Variants in FBLN1 observed in about 807,000 individuals in gnomAD.
FBLN1 encodes fibulin-1.
In FBLN1, 34 loss-of-function variants were observed where a neutral mutation model predicts 89.7. The ratio of observed to expected loss-of-function variants is 0.38; its 90% CI spans 0.29 to 0.50. FBLN1 has a LOEUF of 0.50. FBLN1 is among the 20% of genes least tolerant of loss of function. FBLN1 has a pLI of 0.92. For missense variants in FBLN1, 777 were observed against 988.1 expected (o/e 0.79, Z 2.86); for synonymous variants, 393 against 391.3 (o/e 1.00, Z -0.05).
intron 8 of FBLN1, among the ~76,000 whole-genome samples, chr22:45,538,612 T>C (rs1373808512): frequency 2.6e-5 from 4 of 152,162 alleles, no homozygotes; most frequent in African/African-American, 9.7e-5. Context: ...AGAAAATACA[T>C]CAAGATAGAA....
chr22:45,551,074 A>G, intron 14 of FBLN1: 1 of 263,858 alleles, frequency 3.8e-6, no homozygotes, highest in Non-Finnish European at 7.5e-6. Flanking sequence ...TGAAAGCCAG[A>G]ATTCGTCCAG....
intron 16 of FBLN1, among the ~76,000 whole-genome samples, chr22:45,598,917 G>A (rs908349215): frequency 6.6e-6 from 1 of 152,232 alleles, no homozygotes; most frequent in African/African-American, 2.4e-5. Context: ...CCTCTCCGCA[G>A]TGCAGTGAGG....
At chr22:45,548,784 T>C (rs1252972599) in intron 13 of FBLN1, 40 bp downstream of exon 13, 6 of 1,609,472 alleles carry the variant, frequency 3.7e-6, no homozygotes, top group East Asian at 2.2e-5. Context: ...CACGCTCTGC[T>C]TGGGGCCCTG....
chr22:45,564,275 T>A (rs1448416799), intron 14 of FBLN1, among the ~76,000 whole-genome samples: 1 of 152,186 alleles, frequency 6.6e-6, no homozygotes, highest in Non-Finnish European at 1.5e-5. Flanking sequence ...TCCATTCACC[T>A]CCCCTACAGC....
In FBLN1 at chr22:45,575,442, C is replaced by A. The variant is rs1224801422; in HGVS notation, c.1840+789C>A. On this transcript the variant is annotated intron_variant, in intron 15 of 16. Coordinates refer to ENST00000327858, the MANE Select transcript of FBLN1 (RefSeq NM_006486.3). The surrounding 1 kb of genome is among the most constrained non-coding windows in gnomAD (Gnocchi z 6.3). ...TTCTGCTGGAGCGCTAGAGGCTTGG[C>A]AAGAGGTGGGCTGGAAGGATAAACA... Among the ~76,000 whole-genome samples the A allele has an allele frequency of 6.6e-5, 10 of 151,980 alleles. No individual in the cohort carries two copies. The highest frequency in any genetic ancestry group is 2.9e-5 in the Non-Finnish European group (2 of 67,984).
At position 45,549,978 on chromosome 22, in the gene FBLN1, G is replaced by C. The variant is rs1159141893; in HGVS notation, c.1574-514G>C. 6.6e-6 allele frequency among the ~76,000 whole-genome samples: 1 copy of C among 152,304 alleles called. No homozygotes were observed. The highest frequency in any genetic ancestry group is 1.9e-4 in the East Asian group (1 of 5,178). On this transcript the variant is annotated intron_variant, in intron 13 of 16. Coordinates refer to ENST00000327858, the MANE Select transcript of FBLN1 (RefSeq NM_006486.3). This position sits in a 1 kb window ranked among gnomAD's most constrained non-coding sequence, Gnocchi z 5.7. ...CAGCTCCTGCCCTTTTCTCCTAAGA[G>C]GTTGAGTCACACCTAGGGTAAGGGT...
chr22:45,592,620 G>T (rs1313892018), intron 16 of FBLN1, among the ~76,000 whole-genome samples: 1 of 152,180 alleles, frequency 6.6e-6, no homozygotes. Flanking sequence ...GAGTCACCAC[G>T]CCCGGCCGCA....
chr22:45,570,580 G>T (rs1417271486), intron 14 of FBLN1, among the ~76,000 whole-genome samples: 1 of 150,146 alleles, frequency 6.7e-6, no homozygotes, highest in Non-Finnish European at 1.5e-5. Context: ...AACAAGAGAT[G>T]AAAGGCTTGA....
At chr22:45,596,662 TTATG>T (rs2089189122) in intron 16 of FBLN1, among the ~76,000 whole-genome samples, 1 of 146,960 alleles carries the variant, frequency 6.8e-6, no homozygotes, top group South Asian at 2.1e-4. Flanking sequence ...CATAATATAA[TTATG>T]TACATATAGC....
chr22:45,504,179 T>C (rs1381437563), intron 1 of FBLN1, among the ~76,000 whole-genome samples: 6 of 132,574 alleles, frequency 4.5e-5, no homozygotes, highest in Non-Finnish European at 9.4e-5. Context: ...TCCCAACTAA[T>C]GCTCACTGGG....
chr22:45,518,438 G>A, intron 1 of FBLN1: 1 of 576,070 alleles, frequency 1.7e-6, no homozygotes. Flanking sequence ...CCGCAGCCCT[G>A]TCCAAGCTGG....
rs1332993345 is a variant in FBLN1, at chr22:45,537,390, G to A, written c.922+2053G>A. Among the ~76,000 whole-genome samples the A allele has an allele frequency of 1.3e-5, 2 of 152,112 alleles. No homozygotes were observed. Among genetic ancestry groups the A allele is most frequent in the African/African-American group, 2.4e-5 (1 of 41,416 alleles). On this transcript the variant is annotated intron_variant, in intron 8 of 16. Transcript: ENST00000327858. This position sits in a 1 kb window ranked among gnomAD's most constrained non-coding sequence, Gnocchi z 5.7. ...TTCTGGTACTTTGGGAGGCCAAGGC[G>A]GGTGGATCACTTGAGGTCAGGAGTT... is the stretch of plus-strand genomic sequence containing the variant.
rs187023120 is a variant in FBLN1, at chr22:45,537,777, C to T, written c.922+2440C>T. ...GCGCTGTGGCTCAGCTGCCAGTTGG[C>T]CCCTCGCCAGTCCCTTGCCAGCAGG... On this transcript the variant is annotated intron_variant, in intron 8 of 16. Coordinates refer to ENST00000327858, the MANE Select transcript of FBLN1 (RefSeq NM_006486.3). This position sits in a 1 kb window ranked among gnomAD's most constrained non-coding sequence, Gnocchi z 5.7. Among the ~76,000 whole-genome samples the T allele has an allele frequency of 3.3e-5, 5 of 152,310 alleles. No homozygotes were observed. The highest frequency in any genetic ancestry group is 1.2e-4 in the African/African-American group (5 of 41,574).
In FBLN1 at chr22:45,545,925, A is replaced by G; in HGVS notation, c.1322-1160A>G. Among the ~76,000 whole-genome samples, 1 of 152,124 alleles carries G rather than the reference A, an allele frequency of 6.6e-6. No homozygotes were observed. Among genetic ancestry groups the G allele is most frequent in the East Asian group, 1.9e-4 (1 of 5,192 alleles). On this transcript the variant is annotated intron_variant, in intron 11 of 16. Transcript: ENST00000327858. The surrounding 1 kb of genome is among the most constrained non-coding windows in gnomAD (Gnocchi z 5.9). The stretch of plus-strand genomic sequence containing the variant: ...CACTTTGGGAGGCTGAGGCAGGTGG[A>G]TTACTTGAGGTCAGGAGTTCGAGAC...
intron 1 of FBLN1, among the ~76,000 whole-genome samples, chr22:45,510,387 C>A (rs2088083452): frequency 6.6e-6 from 1 of 152,156 alleles, no homozygotes; most frequent in Admixed American, 6.6e-5. Flanking sequence ...CTCTTAACTG[C>A]AGGCCAAATC....
At chr22:45,585,199 G>A (rs182338429) in intron 16 of FBLN1, among the ~76,000 whole-genome samples, 4 of 152,248 alleles carry the variant, frequency 2.6e-5, no homozygotes, top group East Asian at 1.9e-4. Flanking sequence ...ACCATCCACC[G>A]GTGAGTCTAT....
At position 45,549,474 on chromosome 22, in the gene FBLN1, GA is replaced by G. The variant is rs913067281; in HGVS notation, c.1573+733del. Among the ~76,000 whole-genome samples, 66 of 152,284 alleles carry G rather than the reference GA, an allele frequency of 4.3e-4. No homozygotes were observed. Among genetic ancestry groups the G allele is most frequent in the African/African-American group, 1.5e-3 (62 of 41,558 alleles). ...TGGTCATGAGGAAGGTGACTTTGATGAAAGGCAGGCAGGAGCTGCGGTGTTT... is the reference window on the plus strand; with the variant it reads ...TGGTCATGAGGAAGGTGACTTTGATGAAGGCAGGCAGGAGCTGCGGTGTTT... On this transcript the variant is annotated intron_variant, in intron 13 of 16. Coordinates refer to ENST00000327858, the MANE Select transcript of FBLN1 (RefSeq NM_006486.3). The surrounding 1 kb of genome is among the most constrained non-coding windows in gnomAD (Gnocchi z 5.7).
rs1381367695 is a variant in FBLN1 at position 45,562,718 on chromosome 22, G to T, written c.1698-11793G>T. Among the ~76,000 whole-genome samples, 1 of 152,356 alleles carries T rather than the reference G, an allele frequency of 6.6e-6. No individual in the cohort carries two copies. Among genetic ancestry groups the T allele is most frequent in the East Asian group, 1.9e-4 (1 of 5,170 alleles). ...CGAGATGGTGTTGGAAGAGGCTAGT[G>T]CCTGAATCAGCAGCCTGGAGGTCCA... On this transcript the variant is annotated intron_variant, in intron 14 of 16. Coordinates refer to ENST00000327858, the MANE Select transcript of FBLN1 (RefSeq NM_006486.3). This position sits in a 1 kb window ranked among gnomAD's most constrained non-coding sequence, Gnocchi z 7.8.
chr22:45,520,303 C>T (rs1312795332), intron 2 of FBLN1, among the ~76,000 whole-genome samples: 1 of 152,204 alleles, frequency 6.6e-6, no homozygotes, highest in Non-Finnish European at 1.5e-5. Flanking sequence ...ACCGGTTCCT[C>T]ATAGTTCCGG....
Sources: gnomAD v4.1 joint callset for allele counts (sites outside exome capture counted in the v4.1 genomes callset) on GRCh38, gnomAD v4.1.1 for gene constraint, Gnocchi (gnomAD v3.1) non-coding constraint, MANE v1.5 for transcripts, NCBI Gene and HGNC (gene_info 2026-07-23, HGNC 2026-07-21) for gene names.